The following EXOC6 variants were observed in gnomAD, a reference collection of about 807,000 sequenced individuals.
EXOC6 encodes the protein SEC15-like 1.
Under a neutral mutation model 112.5 loss-of-function variants are expected in EXOC6, and 60 were observed. The ratio of observed to expected loss-of-function variants is 0.53; its 90% CI spans 0.43 to 0.66. The LOEUF (loss-of-function observed/expected upper bound fraction) is 0.66, where lower values mean the gene tolerates loss of function less well. Ranked by LOEUF, EXOC6 falls within the 30% of genes least tolerant of loss-of-function variation. EXOC6 has a pLI of 0.00. For missense variants in EXOC6, 855 were observed against 957.1 expected (o/e 0.89, Z 1.41); for synonymous variants, 295 against 308.0 (o/e 0.96, Z 0.44).
At chr10:92,871,945 T>A (rs189598730) in intron 1 of EXOC6, among the ~76,000 whole-genome samples, 1 of 152,302 alleles carries the variant, frequency 6.6e-6, no homozygotes, top group East Asian at 1.9e-4. Flanking sequence ...TGTTTTCCCC[T>A]TTTGTTTGGT....
chr10:92,933,259 T>C (rs1324723839), intron 9 of EXOC6, among the ~76,000 whole-genome samples: 1 of 152,124 alleles, frequency 6.6e-6, no homozygotes, highest in African/African-American at 2.4e-5. Flanking sequence ...TGTGTCAGTA[T>C]CTTCTAAACC....
chr10:92,865,647 A>T (rs1848138248), intron 1 of EXOC6, among the ~76,000 whole-genome samples: 1 of 151,528 alleles, frequency 6.6e-6, no homozygotes, highest in African/African-American at 2.4e-5. Context: ...GAGTTTCACC[A>T]TGTTGGTCAG....
intron 1 of EXOC6, among the ~76,000 whole-genome samples, chr10:92,859,225 TG>T (rs1847779574): frequency 6.6e-6 from 1 of 152,150 alleles, no homozygotes; most frequent in Non-Finnish European, 1.5e-5. Flanking sequence ...GGCAGGTTGT[TG>T]TTTGTGTGCT....
At chr10:92,907,405 G>A (rs1259588763) in intron 5 of EXOC6, among the ~76,000 whole-genome samples, 1 of 152,126 alleles carries the variant, frequency 6.6e-6, no homozygotes, top group African/African-American at 2.4e-5. Flanking sequence ...GCGTATATGG[G>A]CGCTAGGTAA....
At chr10:92,982,180 ATGG>A (rs1255443003) in intron 18 of EXOC6, among the ~76,000 whole-genome samples, 2 of 152,168 alleles carry the variant, frequency 1.3e-5, no homozygotes, top group Non-Finnish European at 2.9e-5. Flanking sequence ...CTGTTGGCAT[ATGG>A]TTCTCTATGT....
At chr10:92,931,115 G>GAAAAAAAAAAAAAAAAAAAAAAAAAAAA (rs60087746) in intron 9 of EXOC6, among the ~76,000 whole-genome samples, 2 of 70,612 alleles carry the variant, frequency 2.8e-5, no homozygotes, top group Admixed American at 1.8e-4. Flanking sequence ...CATCTCAGAA[G>GAAAAAAAAAAAAAAAAAAAAAAAAAAAA]AAAAAAAAAA....
At chr10:92,914,144 C>T (rs1409252373) in intron 6 of EXOC6, among the ~76,000 whole-genome samples, 1 of 152,176 alleles carries the variant, frequency 6.6e-6, no homozygotes, top group Non-Finnish European at 1.5e-5. Flanking sequence ...CTGAGCTCCG[C>T]CTCCTGTCAG....
chr10:93,015,048 T>C lies in EXOC6; in HGVS notation c.2169+781T>C, dbSNP rs76318733. Reference sequence around the variant, plus strand: ...GGATCCAAGTTAGAGGGCTCAGGAGTGCTAGAATAGACAGTAGGAGTGACT... The same window carrying C: ...GGATCCAAGTTAGAGGGCTCAGGAGCGCTAGAATAGACAGTAGGAGTGACT... On this transcript the variant is annotated intron_variant, in intron 20 of 21. Coordinates refer to ENST00000260762, the MANE Select transcript of EXOC6 (RefSeq NM_019053.6). Among the ~76,000 whole-genome samples, 1,449 of 151,744 alleles carry C rather than the reference T, an allele frequency of 9.5e-3. 28 individuals are homozygous for C. Among genetic ancestry groups the C allele is most frequent in the African/African-American group, 0.033 (1,369 of 41,370 alleles).
intron 21 of EXOC6, 68 bp downstream of exon 21, chr10:93,057,104 AC>A (rs1243982282): frequency 1.2e-6 from 1 of 812,494 alleles, no homozygotes; most frequent in Admixed American, 3.0e-5. Context: ...AAACTGAAGA[AC>A]TAGAGATTTC....
In EXOC6 at chr10:92,956,128, T is replaced by A. The variant is rs555758891; in HGVS notation, c.1773+414T>A. 6.7e-4 allele frequency among the ~76,000 whole-genome samples: 102 copies of A among 152,268 alleles called. 2 individuals carry two copies. The highest frequency in any genetic ancestry group is 2.4e-3 in the African/African-American group (99 of 41,586). ...CTGAAGAAAAATAAATATTATTACATGTCATTGAAGTCCTACCTCTTTTGC... is the reference window on the plus strand; with the variant it reads ...CTGAAGAAAAATAAATATTATTACAAGTCATTGAAGTCCTACCTCTTTTGC... On this transcript the variant is annotated intron_variant, in intron 17 of 21. Transcript: ENST00000260762.
intron 20 of EXOC6, among the ~76,000 whole-genome samples, chr10:93,033,295 A>C (rs1234595009): frequency 6.6e-6 from 1 of 152,204 alleles, no homozygotes; most frequent in East Asian, 1.9e-4. Flanking sequence ...TGTAGTAACT[A>C]CTGATGATTG....
At chr10:93,053,037 A>AG (rs2134380707) in intron 20 of EXOC6, among the ~76,000 whole-genome samples, 2 of 152,326 alleles carry the variant, frequency 1.3e-5, no homozygotes, top group African/African-American at 4.8e-5. Context: ...TTCATAATGT[A>AG]GATCTTAATA....
chr10:92,861,174 T>C (rs1412350234), intron 1 of EXOC6, among the ~76,000 whole-genome samples: 2 of 152,224 alleles, frequency 1.3e-5, no homozygotes, highest in Non-Finnish European at 2.9e-5. Context: ...ATAAGGTCAG[T>C]GTCTTTGGGG....
chr10:92,857,716 A>G (rs1032617147), intron 1 of EXOC6, among the ~76,000 whole-genome samples: 3 of 152,200 alleles, frequency 2.0e-5, no homozygotes, highest in African/African-American at 7.2e-5. Flanking sequence ...CAAATCAGAT[A>G]AGAAATGAGA....
intron 19 of EXOC6, among the ~76,000 whole-genome samples, chr10:93,004,130 T>TC (rs1023456375): frequency 5.3e-5 from 8 of 152,158 alleles, no homozygotes; most frequent in African/African-American, 1.9e-4. Flanking sequence ...AGCTTAACCT[T>TC]CATCAGTGGG....
At chr10:92,830,331 A>C (rs905550299), upstream of EXOC6, among the ~76,000 whole-genome samples, 3 of 152,180 alleles carry the variant, frequency 2.0e-5, no homozygotes, top group African/African-American at 7.2e-5. Flanking sequence ...TATTTGAAGA[A>C]TAAACTTACT....
intron 20 of EXOC6, among the ~76,000 whole-genome samples, chr10:93,042,328 A>G (rs894948466): frequency 1.3e-5 from 2 of 152,176 alleles, no homozygotes; most frequent in Non-Finnish European, 2.9e-5. Flanking sequence ...GCAATAATTG[A>G]TGCTCTGATA....
At chr10:92,940,675 T>G (rs377502171) in intron 12 of EXOC6, 52 bp from the exon 13 acceptor site, 59 of 1,203,150 alleles carry the variant, frequency 4.9e-5, no homozygotes, top group Non-Finnish European at 5.9e-5. Context: ...ACATTTTTAA[T>G]GAATATTTTT....
At chr10:92,875,276 C>G (rs1848635381) in intron 1 of EXOC6, among the ~76,000 whole-genome samples, 1 of 152,188 alleles carries the variant, frequency 6.6e-6, no homozygotes, top group African/African-American at 2.4e-5. Context: ...CTCCTCCTTT[C>G]TCTACCAATT....
Sources: allele counts gnomAD v4.1 joint callset (sites outside exome capture counted in the v4.1 genomes callset), GRCh38; gene constraint gnomAD v4.1.1; transcripts MANE v1.5; gene names NCBI Gene and HGNC (gene_info 2026-07-23, HGNC 2026-07-21).